EPHA3: variants seen among roughly 807,000 people sequenced by gnomAD.
EPHA3 encodes the protein EPH receptor A3.
In EPHA3, 42 loss-of-function variants were observed where a neutral mutation model predicts 107.1. That is an observed-to-expected ratio of 0.39 (90% CI 0.31 to 0.51). The LOEUF (loss-of-function observed/expected upper bound fraction) is 0.51. Among genes scored for constraint, EPHA3 ranks in the 20% least tolerant of loss-of-function variants. The probability of loss-of-function intolerance (pLI) is 0.78; values close to 1 mark genes in which losing one functional copy is unlikely to be tolerated. For missense variants in EPHA3, 1,183 were observed against 1,211.2 expected (o/e 0.98, Z 0.35); for synonymous variants, 461 against 424.8 (o/e 1.09, Z -1.05).
At chr3:89,367,979 G>A (rs1030293799) in intron 5 of EPHA3, among the ~76,000 whole-genome samples, 1 of 150,422 alleles carries the variant, frequency 6.6e-6, no homozygotes, top group Non-Finnish European at 1.5e-5. Flanking sequence ...TGCACTCTAG[G>A]TTCCTTGAGG....
At chr3:89,185,261 C>T (rs1333813167) in intron 2 of EPHA3, among the ~76,000 whole-genome samples, 1 of 151,888 alleles carries the variant, frequency 6.6e-6, no homozygotes, top group Admixed American at 6.6e-5. Flanking sequence ...ATATCAAACA[C>T]CGTTTTAGAT....
At chr3:89,375,616 G>A (rs1309496954) in intron 5 of EPHA3, among the ~76,000 whole-genome samples, 1 of 151,724 alleles carries the variant, frequency 6.6e-6, no homozygotes, top group African/African-American at 2.4e-5. Context: ...GGTAATTGAA[G>A]AGTATAATTT....
chr3:89,433,735 T>A (rs1040506912), intron 13 of EPHA3, among the ~76,000 whole-genome samples: 1 of 152,194 alleles, frequency 6.6e-6, no homozygotes, highest in African/African-American at 2.4e-5. Flanking sequence ...TCTTATCTTG[T>A]AGCTAGTTGA....
chr3:89,162,583 A>G (rs1479242147), intron 2 of EPHA3, among the ~76,000 whole-genome samples: 3 of 152,168 alleles, frequency 2.0e-5, no homozygotes, highest in Admixed American at 1.3e-4. Flanking sequence ...GACTGTAGGA[A>G]GGCATTTTGT....
At chr3:89,478,276 A>T (rs1404447404) in intron 16 of EPHA3, among the ~76,000 whole-genome samples, 1 of 152,224 alleles carries the variant, frequency 6.6e-6, no homozygotes, top group Non-Finnish European at 1.5e-5. Flanking sequence ...AGAACTGTGT[A>T]CTTTAATGAG....
intron 15 of EPHA3, among the ~76,000 whole-genome samples, chr3:89,455,327 G>A (rs977572218): frequency 6.6e-6 from 1 of 152,110 alleles, no homozygotes; most frequent in Non-Finnish European, 1.5e-5. Flanking sequence ...TCACCAAAAA[G>A]AATATTCTTG....
At chr3:89,381,651 G>T (rs533067740) in intron 5 of EPHA3, among the ~76,000 whole-genome samples, 4 of 151,784 alleles carry the variant, frequency 2.6e-5, no homozygotes, top group Non-Finnish European at 5.9e-5. Flanking sequence ...CCTGGGTGAC[G>T]GAGTGAGACT....
At chr3:89,268,754 T>G (rs1705594253) in intron 3 of EPHA3, among the ~76,000 whole-genome samples, 1 of 152,028 alleles carries the variant, frequency 6.6e-6, no homozygotes, top group African/African-American at 2.4e-5. Flanking sequence ...GTATTAGAAT[T>G]TTACAATGTT....
chr3:89,422,410 A>T (rs185489794), intron 11 of EPHA3, among the ~76,000 whole-genome samples: 1 of 151,396 alleles, frequency 6.6e-6, no homozygotes, highest in African/African-American at 2.4e-5. Flanking sequence ...GAACAAAATA[A>T]TATTTTCAAA....
intron 2 of EPHA3, among the ~76,000 whole-genome samples, chr3:89,186,234 C>A (rs1576213419): frequency 6.6e-6 from 1 of 152,012 alleles, no homozygotes; most frequent in South Asian, 2.1e-4. Flanking sequence ...ATATATTAAT[C>A]CATCTTGATA....
chr3:89,107,921 C>A, intron 1 of EPHA3, 85 bp downstream of exon 1: 1 of 1,330,890 alleles, frequency 7.5e-7, no homozygotes, highest in Non-Finnish European at 1.1e-6. Flanking sequence ...CCTTGCACGT[C>A]GGGAAGGTGC....
At chr3:89,353,305 G>C (rs1183300743) in intron 5 of EPHA3, among the ~76,000 whole-genome samples, 1 of 151,290 alleles carries the variant, frequency 6.6e-6, no homozygotes, top group African/African-American at 2.4e-5. Context: ...ACATTTTTCA[G>C]CGCCAATGTA....
At chr3:89,383,858 C>T (rs1283094962) in intron 5 of EPHA3, among the ~76,000 whole-genome samples, 2 of 151,798 alleles carry the variant, frequency 1.3e-5, no homozygotes, top group Non-Finnish European at 2.9e-5. Context: ...CTATGTTAGC[C>T]AGGATTGTCT....
rs183377482 is a variant in EPHA3 at position 89,262,804 on chromosome 3, T to G, written c.814+52284T>G. On this transcript the variant is annotated intron_variant, in intron 3 of 16. Transcript: ENST00000336596. ...ACTCTATTCACTCGCACCCACTGCG[T>G]TCCACCCACCGTGAGAGGGAGTGCG... Among the ~76,000 whole-genome samples the G allele has an allele frequency of 9.2e-4, 140 of 151,932 alleles. 1 individual carries two copies. The East Asian group carries it at 0.02, about 22-fold the overall frequency.
chr3:89,469,580 G>A (rs1441118972), intron 15 of EPHA3, among the ~76,000 whole-genome samples: 1 of 152,072 alleles, frequency 6.6e-6, no homozygotes, highest in Non-Finnish European at 1.5e-5. Context: ...ACCAGAAGTG[G>A]TATAAACCTC....
At chr3:89,257,379 C>T (rs1164319316) in intron 3 of EPHA3, among the ~76,000 whole-genome samples, 5 of 152,126 alleles carry the variant, frequency 3.3e-5, no homozygotes, top group African/African-American at 1.2e-4. Flanking sequence ...AACTCCTCTC[C>T]TTGCTTTCAC....
intron 2 of EPHA3, among the ~76,000 whole-genome samples, chr3:89,141,090 A>ACAAT (rs1704422154): frequency 6.6e-6 from 1 of 151,666 alleles, no homozygotes; most frequent in African/African-American, 2.4e-5. Context: ...TGGAAATCAG[A>ACAAT]CAATCTGATT....
At chr3:89,259,551 A>T (rs1705367235) in intron 3 of EPHA3, among the ~76,000 whole-genome samples, 2 of 152,206 alleles carry the variant, frequency 1.3e-5, no homozygotes, top group Non-Finnish European at 2.9e-5. Context: ...TGTTTTTTAA[A>T]AAAGGTAAAT....
At chr3:89,408,274 G>GA (rs1709091080) in intron 9 of EPHA3, 143 bp downstream of exon 9, 1 of 724,092 alleles carries the variant, frequency 1.4e-6, no homozygotes, top group African/African-American at 1.8e-5. Flanking sequence ...ATTTATTTTA[G>GA]AAAAAGAGGG....
Sources: allele counts gnomAD v4.1 joint callset (sites outside exome capture counted in the v4.1 genomes callset), GRCh38; gene constraint gnomAD v4.1.1; transcripts MANE v1.5; gene names NCBI Gene and HGNC (gene_info 2026-07-23, HGNC 2026-07-21).